Variants in ZNF248 observed in about 807,000 individuals in gnomAD.
ZNF248 encodes the protein KRAB protein domain.
Under a neutral mutation model 44.3 loss-of-function variants are expected in ZNF248, and 20 were observed. The observed-to-expected ratio is 0.45, with a 90% CI of 0.32 to 0.66. The LOEUF is 0.66. Ranked by LOEUF, ZNF248 falls within the 30% of genes least tolerant of loss-of-function variation. ZNF248 has a pLI of 0.04. For missense variants in ZNF248, 654 were observed against 677.0 expected (o/e 0.97, Z 0.38); for synonymous variants, 224 against 229.0 (o/e 0.98, Z 0.20).
intron 6 of ZNF248, among the ~76,000 whole-genome samples, chr10:37,814,333 C>A (rs950110677): frequency 6.6e-6 from 1 of 152,142 alleles, no homozygotes; most frequent in Admixed American, 6.5e-5. Context: ...AAAATGACTT[C>A]TTTATACATT....
intron 6 of ZNF248, among the ~76,000 whole-genome samples, chr10:37,788,260 CT>C (rs1477000811): frequency 9.6e-6 from 1 of 103,812 alleles, no homozygotes; most frequent in Non-Finnish European, 1.9e-5. Context: ...GAGACTCCAT[CT>C]TAAAAAAAAA....
downstream of ZNF248, among the ~76,000 whole-genome samples, chr10:37,771,544 T>C (rs1000694806): frequency 6.7e-5 from 10 of 148,348 alleles, no homozygotes; most frequent in Non-Finnish European, 2.9e-5. Flanking sequence ...AAACACCGCA[T>C]GTTCTCACTC....
rs778928476 is a variant in ZNF248, at chr10:37,856,483, T to C, written c.-76A>G. ...ATGCTGAGCTCAGACATGACACTTT[T>C]CACTGAGTGAATGTAAATATTTCTT... is the stretch of plus-strand genomic sequence containing the variant. On this transcript the variant is annotated 5_prime_UTR_variant, in exon 2 of 6. Coordinates refer to ENST00000395867, the MANE Select transcript of ZNF248 (RefSeq NM_021045.3). 1 of 1,282,450 alleles carries C rather than the reference T, an allele frequency of 7.8e-7. No homozygotes were observed. The highest frequency in any genetic ancestry group is 9.9e-7 in the Non-Finnish European group (1 of 1,011,218). The allele number at this position is 1,282,450 out of a possible 1,614,324, so 79.4% of individuals were successfully genotyped here.
intron 6 of ZNF248, among the ~76,000 whole-genome samples, chr10:37,799,188 A>G (rs1208385465): frequency 1.3e-5 from 2 of 152,180 alleles, no homozygotes; most frequent in Non-Finnish European, 2.9e-5. Context: ...TTAACTACAG[A>G]TTAAAGATTT....
At chr10:37,837,517 G>T in intron 5 of ZNF248, 100 bp downstream of exon 5, 1 of 962,206 alleles carries the variant, frequency 1.0e-6, no homozygotes, top group Non-Finnish European at 1.6e-6. Context: ...GGGCTAAAAA[G>T]AGACATTTGT....
chr10:37,813,348 A>G lies in ZNF248; in HGVS notation c.330+19677T>C, dbSNP rs555561523. 2.0e-5 allele frequency among the ~76,000 whole-genome samples: 3 copies of G among 152,318 alleles called. No individual in the cohort carries two copies. In the South Asian group the frequency reaches 6.2e-4, roughly 32 times the overall value. ...ACAATAGGACTGTTACTGTACAGATACCTTTTTAGAAAAGCAAAAAGCATC... is the reference window on the plus strand; with the variant it reads ...ACAATAGGACTGTTACTGTACAGATGCCTTTTTAGAAAAGCAAAAAGCATC... On this transcript the variant is annotated intron_variant, in intron 6 of 6. Transcript: ENST00000615949.
the ZNF248 span, among the ~76,000 whole-genome samples, chr10:37,764,186 C>G: frequency 6.6e-6 from 1 of 152,150 alleles, no homozygotes; most frequent in Non-Finnish European, 1.5e-5. Context: ...AGAATGCATT[C>G]CTAGGGGGAG....
chr10:37,809,963 C>A (rs1409681306), intron 6 of ZNF248, among the ~76,000 whole-genome samples: 7 of 152,054 alleles, frequency 4.6e-5, no homozygotes, highest in Non-Finnish European at 7.4e-5. Flanking sequence ...ATATGGTTTA[C>A]CCTGGAGAAT....
At chr10:37,855,407 A>G (rs1304175123) in intron 3 of ZNF248, among the ~76,000 whole-genome samples, 3 of 152,098 alleles carry the variant, frequency 2.0e-5, no homozygotes, top group Admixed American at 1.3e-4. Context: ...GTATTATTAC[A>G]TTAATGTATT....
downstream of ZNF248, among the ~76,000 whole-genome samples, chr10:37,773,842 A>T (rs963285546): frequency 5.9e-5 from 9 of 152,154 alleles, no homozygotes; most frequent in Non-Finnish European, 1.2e-4. Flanking sequence ...ATTCTGAGGC[A>T]TTGAGGGGGT....
downstream of ZNF248, among the ~76,000 whole-genome samples, chr10:37,824,825 G>C (rs1217807229): frequency 6.7e-6 from 1 of 148,542 alleles, no homozygotes; most frequent in Non-Finnish European, 1.5e-5. Context: ...GGGACTATAG[G>C]TGCCCACCAC....
Position 37,832,964 on chromosome 10 carries a change from A to G in ZNF248, c.391T>C (p.Ser131Pro). Residue 131 changes from serine to proline, a missense_variant, in exon 6 of 6, where the codon TCT (serine) becomes CCT (proline). Ser to Pro is a moderately conservative substitution (Grantham distance 74). Coordinates refer to ENST00000395867, the MANE Select transcript of ZNF248 (RefSeq NM_021045.3). ...ATTTTATAGGGATAATTTCTTAAAG[A>G]AACAGGGTCTGTGCCCAAATTGAAA... ...KTFNLGTDPVSLRNYPYKICD... is the reference protein window; with the variant it reads ...KTFNLGTDPVPLRNYPYKICD... 1.9e-6 allele frequency: 3 copies of G among 1,613,762 alleles called. No homozygotes were observed. The highest frequency in any genetic ancestry group is 2.5e-6 in the Non-Finnish European group (3 of 1,179,804).
chr10:37,819,448 T>C, intron 6 of ZNF248: 2 of 1,577,362 alleles, frequency 1.3e-6, no homozygotes, highest in East Asian at 2.2e-5. Context: ...ACTGGTGAAT[T>C]TTCACAGCTA....
intron 6 of ZNF248, among the ~76,000 whole-genome samples, chr10:37,809,282 G>GTTCA (rs2051121151): frequency 6.6e-6 from 1 of 151,156 alleles, no homozygotes. Flanking sequence ...TTTATTTATT[G>GTTCA]TTTATTTATT....
chr10:37,781,624 C>CCCAACAGACT (rs1270001191), intron 6 of ZNF248, among the ~76,000 whole-genome samples: 1 of 152,214 alleles, frequency 6.6e-6, no homozygotes, highest in Non-Finnish European at 1.5e-5. Context: ...TGTACCAGCA[C>CCCAACAGACT]CCAACAGACT....
chr10:37,768,313 C>T, the ZNF248 span, among the ~76,000 whole-genome samples: 10 of 152,316 alleles, frequency 6.6e-5, no homozygotes, highest in South Asian at 6.2e-4. Context: ...CCCAAATCTA[C>T]AGAATATACA....
At chr10:37,835,891 C>T (rs915266574) in intron 5 of ZNF248, among the ~76,000 whole-genome samples, 2 of 152,186 alleles carry the variant, frequency 1.3e-5, no homozygotes, top group African/African-American at 2.4e-5. Context: ...TGTACTTACA[C>T]ATATCCAATC....
At position 37,835,127 on chromosome 10, in the gene ZNF248, TA is replaced by T. The variant is rs553613107; in HGVS notation, c.239-2012del. 9.2e-3 allele frequency among the ~76,000 whole-genome samples: 1,349 copies of T among 146,150 alleles called. 6 individuals carry two copies. The highest frequency in any genetic ancestry group is 0.015 in the Non-Finnish European group (999 of 64,878). ...GGAAGATAAATTGAATAATTTAGGC[TA>T]AAAAAAAAGAGAAAAGAACCAACTA... On this transcript the variant is annotated intron_variant, in intron 5 of 5. Coordinates refer to ENST00000395867, the MANE Select transcript of ZNF248 (RefSeq NM_021045.3).
chr10:37,823,019 G>A (rs2053723863), intron 6 of ZNF248, among the ~76,000 whole-genome samples: 1 of 152,084 alleles, frequency 6.6e-6, no homozygotes, highest in Non-Finnish European at 1.5e-5. Flanking sequence ...AACTATAAAA[G>A]TTTATTGAAT....
Sources: allele counts gnomAD v4.1 joint callset (sites outside exome capture counted in the v4.1 genomes callset), GRCh38; gene constraint gnomAD v4.1.1; transcripts MANE v1.5; gene names NCBI Gene and HGNC (gene_info 2026-07-23, HGNC 2026-07-21).